Variants in ARMC3 observed in about 807,000 individuals in gnomAD.
The protein encoded by ARMC3 is armadillo repeat containing 3.
Under a neutral mutation model 90.3 loss-of-function variants are expected in ARMC3, and 74 were observed. That is an observed-to-expected ratio of 0.82 (90% CI 0.68 to 0.99). The LOEUF (loss-of-function observed/expected upper bound fraction) is 0.99. ARMC3 is among the 50% of genes least tolerant of loss of function. The pLI, the probability that ARMC3 is intolerant of heterozygous loss-of-function variation, is 0.00. For missense variants in ARMC3, 958 were observed against 1,042.8 expected (o/e 0.92, Z 1.12); for synonymous variants, 334 against 361.8 (o/e 0.92, Z 0.87).
chr10:22,997,024 G>T lies in ARMC3; in HGVS notation c.1176-1124G>T, dbSNP rs1388387605. Among the ~76,000 whole-genome samples the T allele has an allele frequency of 4.6e-5, 7 of 151,174 alleles. No homozygotes were observed. The South Asian group carries it at 1.3e-3, about 27-fold the overall frequency. Reference sequence around the variant, plus strand: ...TATTGACATCTCAAGTATTTTTCTTGTCTTGACTTCTATTACTATGATGAT... The same window carrying T: ...TATTGACATCTCAAGTATTTTTCTTTTCTTGACTTCTATTACTATGATGAT... On this transcript the variant is annotated intron_variant, in intron 10 of 18. Coordinates refer to ENST00000298032, the MANE Select transcript of ARMC3 (RefSeq NM_173081.5).
intron 7 of ARMC3, among the ~76,000 whole-genome samples, chr10:22,962,680 C>T (rs2131263737): frequency 6.6e-6 from 1 of 152,276 alleles, no homozygotes; most frequent in African/African-American, 2.4e-5. Context: ...ATTCTAATAA[C>T]AGAAATCTAC....
Position 22,981,393 on chromosome 10 carries a change from C to G in ARMC3, c.970C>G (p.Leu324Val). ...EQEVEKCLVA[L>V]LGSENDGTKI... ...AGAGGTTGAAAAGTGCCTTGTAGCCCTTTTGGGTTCTGAAAATGATGGAAC... is the reference window on the plus strand; with the variant it reads ...AGAGGTTGAAAAGTGCCTTGTAGCCGTTTTGGGTTCTGAAAATGATGGAAC... Residue 324 changes from leucine to valine, a missense_variant, in exon 9 of 19, where the codon CTT becomes GTT. Physicochemically the swap from Leu to Val is conservative, Grantham distance 32. Transcript: ENST00000298032. 1 of 1,613,854 alleles carries G rather than the reference C, an allele frequency of 6.2e-7. No homozygotes were observed. Among genetic ancestry groups the G allele is most frequent in the Non-Finnish European group, 8.5e-7 (1 of 1,179,922 alleles).
At chr10:23,020,950 CCT>C (rs1043310946) in intron 16 of ARMC3, among the ~76,000 whole-genome samples, 1 of 152,144 alleles carries the variant, frequency 6.6e-6, no homozygotes, top group Non-Finnish European at 1.5e-5. Context: ...CCCTTCCCCA[CCT>C]CTCAACCTCC....
At chr10:23,027,033 C>A (rs185920272) in intron 16 of ARMC3, among the ~76,000 whole-genome samples, 1 of 152,262 alleles carries the variant, frequency 6.6e-6, no homozygotes, top group African/African-American at 2.4e-5. Context: ...ATATAGTAAG[C>A]CTTACTATCA....
Position 23,001,975 on chromosome 10 carries a change from TGAA to T in ARMC3, c.1484_1486del (p.Glu495del). ...TAGAGCTGCTACGCTCCAAGAATGA[TGAA>T]GTGAGGAAGCACGCCAGTTGGGCAG... is the stretch of plus-strand genomic sequence containing the variant. On this transcript the variant is annotated inframe_deletion, in exon 12 of 19. Transcript: ENST00000298032. The T allele has an allele frequency of 1.2e-6, 2 of 1,613,962 alleles. No homozygotes were observed.
chr10:22,984,367 T>C (rs192369952), intron 10 of ARMC3, among the ~76,000 whole-genome samples: 2 of 152,266 alleles, frequency 1.3e-5, no homozygotes, highest in African/African-American at 4.8e-5. Context: ...GCTTGGAAAA[T>C]TGTGGGTAGA....
intron 6 of ARMC3, chr10:22,961,211 CT>C (rs1355347098): frequency 6.6e-6 from 1 of 152,148 alleles, no homozygotes; most frequent in African/African-American, 2.4e-5. Context: ...ACCTTTAGTA[CT>C]ATTTTATATT....
At chr10:22,942,966 T>C (rs958551627) in intron 2 of ARMC3, among the ~76,000 whole-genome samples, 4 of 152,150 alleles carry the variant, frequency 2.6e-5, no homozygotes, top group Non-Finnish European at 5.9e-5. Context: ...AAAGAGTGAA[T>C]GTTGTATGAT....
intron 1 of ARMC3, among the ~76,000 whole-genome samples, chr10:22,931,258 C>G (rs1833920403): frequency 6.6e-6 from 1 of 152,166 alleles, no homozygotes; most frequent in Non-Finnish European, 1.5e-5. Flanking sequence ...CTGGTTACTC[C>G]TCTGTGGTAT....
At chr10:23,004,943 G>A (rs901764348) in intron 13 of ARMC3, among the ~76,000 whole-genome samples, 6 of 152,176 alleles carry the variant, frequency 3.9e-5, no homozygotes, top group Non-Finnish European at 8.8e-5. Flanking sequence ...GGGGCCGGGC[G>A]TGGTGGCTCA....
Position 22,998,238 on chromosome 10 carries a change from AAC to A in ARMC3, c.1268_1269del (p.Thr423LysfsTer46). ...GAIANAATVL[T>X]NMAMQEPLRL... is the part of the protein sequence containing the mutation. ...CCATTGCCAACGCTGCTACAGTATT[AAC>A]AAACATGGCCATGCAGGAGCCCCTG... On this transcript the variant is annotated frameshift_variant, in exon 11 of 19. Coordinates refer to ENST00000298032, the MANE Select transcript of ARMC3 (RefSeq NM_173081.5). LOFTEE classifies it high-confidence loss of function. 3.7e-6 allele frequency: 6 copies of A among 1,612,990 alleles called. No homozygotes were observed. The highest frequency in any genetic ancestry group is 1.3e-5 in the African/African-American group (1 of 75,042).
intron 11 of ARMC3, among the ~76,000 whole-genome samples, chr10:22,998,705 ATTG>A (rs1837133747): frequency 6.6e-6 from 1 of 152,196 alleles, no homozygotes; most frequent in Non-Finnish European, 1.5e-5. Flanking sequence ...AAATTGTCCA[ATTG>A]TTAAGAAAAT....
At chr10:22,980,010 T>C (rs1836112421) in intron 8 of ARMC3, among the ~76,000 whole-genome samples, 1 of 152,120 alleles carries the variant, frequency 6.6e-6, no homozygotes, top group Non-Finnish European at 1.5e-5. Flanking sequence ...ATACTGCTTC[T>C]GCGAAAAAGG....
chr10:22,987,522 T>C (rs1347067788), intron 10 of ARMC3, among the ~76,000 whole-genome samples: 1 of 152,202 alleles, frequency 6.6e-6, no homozygotes, highest in Non-Finnish European at 1.5e-5. Flanking sequence ...GCTAGACAGT[T>C]TTCAAAAGAT....
chr10:23,016,065 C>A (rs952235996), intron 16 of ARMC3, among the ~76,000 whole-genome samples: 5 of 152,140 alleles, frequency 3.3e-5, no homozygotes, highest in Non-Finnish European at 5.9e-5. Flanking sequence ...TTGAACAACG[C>A]CTTGTTCCCA....
In ARMC3 at chr10:22,955,838, T is replaced by G. The variant is rs1834915439; in HGVS notation, c.198T>G (p.Leu66=). ...GEENKTTLLE[L]GAVEPLTKLL... ...AAAATAAAACAACCCTCCTTGAACT[T>G]GGAGCTGTGGAACCTTTAACTAAGC... is the stretch of plus-strand genomic sequence containing the variant. The change falls in exon 4 of 19, where the codon CTT becomes CTG. Residue 66 remains leucine, a synonymous_variant. Coordinates refer to ENST00000298032, the MANE Select transcript of ARMC3 (RefSeq NM_173081.5). 6.2e-7 allele frequency: 1 copy of G among 1,614,012 alleles called. No homozygotes were observed. Among genetic ancestry groups the G allele is most frequent in the Middle Eastern group, 1.6e-4 (1 of 6,062 alleles).
chr10:23,011,217 AT>A, intron 16 of ARMC3, among the ~76,000 whole-genome samples: 1 of 152,084 alleles, frequency 6.6e-6, no homozygotes, highest in Non-Finnish European at 1.5e-5. Context: ...ACTCATAGGC[AT>A]TCACATTTAT....
rs1218675914 is a variant in ARMC3 at position 22,963,887 on chromosome 10, TCACACACACA to T, written c.732+1836_732+1845del. On this transcript the variant is annotated intron_variant, in intron 7 of 18. Coordinates refer to ENST00000298032, the MANE Select transcript of ARMC3 (RefSeq NM_173081.5). ...CCTGGCAACAGGGCGAGACTCTGTC[TCACACACACA>T]CACACACACACACACACACACACAC... Among the ~76,000 whole-genome samples the T allele has an allele frequency of 5.3e-3, 180 of 33,810 alleles. 3 individuals carry two copies. The highest frequency in any genetic ancestry group is 0.018 in the African/African-American group (126 of 6,860). 22.2% of individuals were successfully genotyped at this position (33,810 alleles called of 152,430 possible).
chr10:22,972,157 T>C (rs1430338658), intron 8 of ARMC3, among the ~76,000 whole-genome samples: 1 of 152,220 alleles, frequency 6.6e-6, no homozygotes, highest in Non-Finnish European at 1.5e-5. Context: ...ACTCTGTTGA[T>C]TGTGTGCTTT....
Sources: allele counts gnomAD v4.1 joint callset (sites outside exome capture counted in the v4.1 genomes callset), GRCh38; gene constraint gnomAD v4.1.1; transcripts MANE v1.5; gene names NCBI Gene and HGNC (gene_info 2026-07-23, HGNC 2026-07-21).